Variants in MON2 observed in about 807,000 individuals in gnomAD.
The protein encoded by MON2 is MON2 regulator of endosome-to-Golgi trafficking, also known as protein MON2 homolog.
Under a neutral mutation model 208.6 loss-of-function variants are expected in MON2, and 84 were observed. The observed-to-expected ratio is 0.40, with a 90% confidence interval of 0.34 to 0.48. The LOEUF (loss-of-function observed/expected upper bound fraction) is 0.48, where lower values mean the gene tolerates loss of function less well. Ranked by LOEUF, MON2 falls within the 20% of genes least tolerant of loss-of-function variation. The probability of loss-of-function intolerance (pLI) is 0.59; values close to 1 mark genes in which losing one functional copy is unlikely to be tolerated. For missense variants in MON2, 1,611 were observed against 2,015.4 expected, an observed-to-expected ratio of 0.80 and a Z score of 3.84; for synonymous variants, 660 against 694.0, an observed-to-expected ratio of 0.95 and a Z score of 0.77.
intron 23 of MON2, among the ~76,000 whole-genome samples, chr12:62,550,814 C>G (rs1242129340): frequency 1.3e-5 from 2 of 151,450 alleles, no homozygotes; most frequent in African/African-American, 4.8e-5. Flanking sequence ...TAGGCGTTGG[C>G]TTAAGGGAAT....
chr12:62,520,977 G>T (rs1592943761), intron 8 of MON2, among the ~76,000 whole-genome samples: 1 of 144,004 alleles, frequency 6.9e-6, no homozygotes, highest in South Asian at 2.2e-4. Flanking sequence ...TTTTAGTTTT[G>T]TTTATTATGG....
intron 14 of MON2, among the ~76,000 whole-genome samples, chr12:62,536,829 C>CA (rs1415322001): frequency 6.6e-6 from 1 of 151,830 alleles, no homozygotes. Context: ...GCTGAGACTA[C>CA]AGAAGTGCAT....
chr12:62,491,313 G>C (rs2070125111), intron 2 of MON2, among the ~76,000 whole-genome samples: 1 of 152,146 alleles, frequency 6.6e-6, no homozygotes, highest in Non-Finnish European at 1.5e-5. Context: ...TCCCAGTGCT[G>C]TTTATGGCCC....
chr12:62,588,210 G>T (rs2075280711), intron 34 of MON2, 54 bp downstream of exon 34: 1 of 1,238,242 alleles, frequency 8.1e-7, no homozygotes, highest in Non-Finnish European at 1.2e-6. Flanking sequence ...TTCTATTTGT[G>T]ATGGACTTTT....
chr12:62,476,158 A>C (rs897880820), intron 1 of MON2, among the ~76,000 whole-genome samples: 6 of 152,176 alleles, frequency 3.9e-5, no homozygotes, highest in Non-Finnish European at 8.8e-5. Context: ...TCTAGAATAG[A>C]ATGTCATATA....
chr12:62,509,386 A>T (rs565130904), intron 8 of MON2, among the ~76,000 whole-genome samples: 7 of 152,344 alleles, frequency 4.6e-5, no homozygotes, highest in South Asian at 2.1e-4. Context: ...AAGTGCTGGG[A>T]TTACAGGCGT....
intron 3 of MON2, 84 bp downstream of exon 3, chr12:62,494,126 T>A: frequency 7.9e-7 from 1 of 1,271,502 alleles, no homozygotes; most frequent in Non-Finnish European, 1.1e-6. Flanking sequence ...ACCTGATATT[T>A]AATATAAAAC....
intron 2 of MON2, among the ~76,000 whole-genome samples, chr12:62,490,315 A>G (rs752789722): frequency 1.3e-5 from 2 of 151,952 alleles, no homozygotes; most frequent in African/African-American, 2.4e-5. Flanking sequence ...ATTAAAAAGA[A>G]TCAGCTTTTT....
chr12:62,478,121 T>TTTTGTG (rs143707616), intron 1 of MON2, among the ~76,000 whole-genome samples: 1 of 149,690 alleles, frequency 6.7e-6, no homozygotes, highest in Non-Finnish European at 1.5e-5. Flanking sequence ...TAGATATAAT[T>TTTTGTG]TGTGTGTGTG....
intron 1 of MON2, among the ~76,000 whole-genome samples, chr12:62,470,984 AC>A (rs2068762795): frequency 6.7e-6 from 1 of 149,364 alleles, no homozygotes; most frequent in African/African-American, 2.6e-5. Context: ...GTGGACATAG[AC>A]AGAAGGTTGC....
rs370180495 is a variant in MON2 at position 62,537,189 on chromosome 12, C to A, written c.1939C>A (p.Pro647Thr). 5.6e-6 allele frequency: 9 copies of A among 1,613,164 alleles called. No homozygotes were observed. In the African/African-American group the frequency reaches 1.2e-4, roughly 22 times the overall value. The change falls in exon 15 of 35, where the codon CCA becomes ACA. Residue 647 changes from proline to threonine, a missense_variant. Transcript: ENST00000393630. ...VQGQSVMMIS[P>T]SSESHQQVVA... ...GGGCCAAAGTGTTATGATGATAAGT[C>A]CATCAAGTGAATCTCACCAACAAGT...
At chr12:62,514,394 G>A (rs2071578575) in intron 8 of MON2, among the ~76,000 whole-genome samples, 1 of 152,174 alleles carries the variant, frequency 6.6e-6, no homozygotes, top group Non-Finnish European at 1.5e-5. Context: ...CCAAGACTGG[G>A]CAATTTACAA....
rs1203100102 is a variant in MON2 at position 62,556,259 on chromosome 12, G to A, written c.3409+67G>A. On this transcript the variant is annotated intron_variant, in intron 25 of 34. Transcript: ENST00000393630. ...TAAAAGAAATTTGGAAAATACAGAC[G>A]ATTCTTTTAGAGTCTATCTTAACTT... The A allele has an allele frequency of 4.3e-6, 6 of 1,380,362 alleles. No homozygotes were observed. The South Asian group carries it at 5.0e-5, about 11-fold the overall frequency. The allele number at this position is 1,380,362 out of a possible 1,614,324, so 85.5% of individuals were successfully genotyped here. A position where few individuals can be genotyped will look rare whatever the true frequency, so the allele number is the denominator to read the frequency against.
rs1020614762 is a variant in MON2 at position 62,492,233 on chromosome 12, C to T, written c.176-1682C>T. Among the ~76,000 whole-genome samples the T allele has an allele frequency of 3.3e-5, 5 of 152,120 alleles. No homozygotes were observed. In the East Asian group the frequency reaches 7.7e-4, roughly 23 times the overall value. ...TTAAATGATAAAATTAATGTTAATA[C>T]TGGTTTTACATTTTTAATGGTGATT... On this transcript the variant is annotated intron_variant, in intron 2 of 34. Coordinates refer to ENST00000393630, the MANE Select transcript of MON2 (RefSeq NM_015026.3).
rs2075519043 is a variant in MON2, at chr12:62,595,949, A to C, written c.*3200A>C. 2 of 152,248 alleles carry C rather than the reference A, an allele frequency of 1.3e-5. No individual in the cohort carries two copies. Among genetic ancestry groups the C allele is most frequent in the Non-Finnish European group, 2.9e-5 (2 of 68,042 alleles). 9.4% of individuals were successfully genotyped at this position (152,248 alleles called of 1,614,324 possible). ...TATGTATCATCAGAAGAAAGAGATG[A>C]ACAATTTAGTGTAGATATTTTATTC... On this transcript the variant is annotated 3_prime_UTR_variant, in exon 35 of 35. Coordinates refer to ENST00000393630, the MANE Select transcript of MON2 (RefSeq NM_015026.3).
rs772440109 is a variant in MON2 at position 62,467,190 on chromosome 12, C to T, written c.-18C>T. On this transcript the variant is annotated 5_prime_UTR_variant, in exon 1 of 35. Transcript: ENST00000393630. The stretch of plus-strand genomic sequence containing the variant: ...CTTGTTTGTACCTCTCGGAAATTGG[C>T]TGGGACCTTGGAGGATCATGTCCGG... 11 of 1,606,966 alleles carry T rather than the reference C, an allele frequency of 6.8e-6. No individual in the cohort carries two copies. The East Asian group carries it at 2.2e-4, about 33-fold the overall frequency.
At position 62,478,228 on chromosome 12, in the gene MON2, T is replaced by C. The variant is rs182905132; in HGVS notation, c.112-5942T>C. ...GAACATTTATTATATAGCTACTGTA[T>C]GAAAGGCACTGGGATAGACAATAAT... On this transcript the variant is annotated intron_variant, in intron 1 of 34. Coordinates refer to ENST00000393630, the MANE Select transcript of MON2 (RefSeq NM_015026.3). Among the ~76,000 whole-genome samples the C allele has an allele frequency of 3.9e-5, 6 of 152,282 alleles. No homozygotes were observed. In the East Asian group the frequency reaches 1.2e-3, roughly 29 times the overall value.
chr12:62,474,560 G>A (rs1296994214), intron 1 of MON2, among the ~76,000 whole-genome samples: 1 of 152,036 alleles, frequency 6.6e-6, no homozygotes, highest in Non-Finnish European at 1.5e-5. Flanking sequence ...GAGTAGCTGG[G>A]ATTACAGATG....
At chr12:62,500,014 T>C (rs1429825479) in intron 5 of MON2, among the ~76,000 whole-genome samples, 1 of 152,190 alleles carries the variant, frequency 6.6e-6, no homozygotes. Context: ...TAAGGAATTA[T>C]AATGTGTCCC....
Sources: gnomAD v4.1 joint callset for allele counts (sites outside exome capture counted in the v4.1 genomes callset) on GRCh38, gnomAD v4.1.1 for gene constraint, MANE v1.5 for transcripts, NCBI Gene and HGNC (gene_info 2026-07-23, HGNC 2026-07-21) for gene names.